Variants in MRPL3 observed in about 807,000 individuals in gnomAD.
MRPL3 encodes the protein large ribosomal subunit protein uL3m.
A neutral mutation model predicts 44.3 loss-of-function variants in MRPL3; 43 were observed. The observed-to-expected ratio is 0.97, with a 90% CI of 0.76 to 1.25. The LOEUF (loss-of-function observed/expected upper bound fraction) is 1.25. Ranked by LOEUF, MRPL3 falls within the 50% of genes most tolerant of loss-of-function variation. The pLI is 0.00. For missense variants in MRPL3, 406 were observed against 427.6 expected (o/e 0.95, Z 0.45); for synonymous variants, 171 against 152.3 (o/e 1.12, Z -0.91).
rs1452753647 is a variant in MRPL3, at chr3:131,471,171, A to T, written c.738T>A (p.Gly246=). Residue 246 remains glycine, a splice_region_variant and synonymous_variant, in exon 7 of 10, where the codon GGT becomes GGA. Transcript: ENST00000264995. ...AAAGAGCTTCACTAGTTATACTCAC[A>T]CCAGTTGCAACAGCTCCAGGTCTCC... ...THRRPGAVAT[G]DIGRVWPGTK... 4 of 1,605,294 alleles carry T rather than the reference A, an allele frequency of 2.5e-6. No individual in the cohort carries two copies. The highest frequency in any genetic ancestry group is 8.5e-7 in the Non-Finnish European group (1 of 1,172,620).
chr3:131,471,209 T>C lies in MRPL3; in HGVS notation c.700A>G (p.Thr234Ala). The change falls in exon 7 of 10, where the codon ACG (threonine) becomes GCG (alanine). Residue 234 changes from threonine to alanine, a missense_variant. Transcript: ENST00000264995. ...FKGQPATHGQ[T>A]KTHRRPGAVA... ...GCTCCAGGTCTCCTGTGGGTTTTCG[T>C]TTGACCATGCGTAGCAGGCTGGCCT... 1 of 1,613,402 alleles carries C rather than the reference T, an allele frequency of 6.2e-7. No homozygotes were observed. The highest frequency in any genetic ancestry group is 8.5e-7 in the Non-Finnish European group (1 of 1,179,532).
At chr3:131,494,586 C>T (rs142113436) in intron 4 of MRPL3, among the ~76,000 whole-genome samples, 1 of 152,084 alleles carries the variant, frequency 6.6e-6, no homozygotes, top group Admixed American at 6.6e-5. Flanking sequence ...ACAAAACAGA[C>T]AATATATATA....
chr3:131,472,835 A>C (rs1224079747), intron 6 of MRPL3, among the ~76,000 whole-genome samples: 1 of 152,224 alleles, frequency 6.6e-6, no homozygotes, highest in Non-Finnish European at 1.5e-5. Context: ...ACGAAAAAAT[A>C]AATACCCAGG....
chr3:131,489,493 C>G (rs1934200111), intron 5 of MRPL3, among the ~76,000 whole-genome samples: 1 of 152,050 alleles, frequency 6.6e-6, no homozygotes, highest in African/African-American at 2.4e-5. Flanking sequence ...TTTTGCTAAC[C>G]ATATGAGCCA....
At position 131,480,334 on chromosome 3, in the gene MRPL3, C is replaced by T. The variant is rs140979047; in HGVS notation, c.629+7346G>A. Among the ~76,000 whole-genome samples the T allele has an allele frequency of 5.9e-5, 9 of 152,286 alleles. No individual in the cohort carries two copies. In the East Asian group the frequency reaches 1.7e-3, roughly 29 times the overall value. On this transcript the variant is annotated intron_variant, in intron 6 of 9. Transcript: ENST00000264995. ...ACAGGTGCTGAGCCCACAAGTCAGT[C>T]ATGGTGGAATTTTCCAGTTGCTTGG... is the stretch of plus-strand genomic sequence containing the variant.
In MRPL3 at chr3:131,462,694, T is replaced by C. The variant is rs766168773; in HGVS notation, c.*29A>G. ...CTCTGGCTCATCGAAGCTCACAGAATATGTAAGGTTCTGCCACGTCCAAAG... is the reference window on the plus strand; with the variant it reads ...CTCTGGCTCATCGAAGCTCACAGAACATGTAAGGTTCTGCCACGTCCAAAG... On this transcript the variant is annotated 3_prime_UTR_variant, in exon 10 of 10. Coordinates refer to ENST00000264995, the MANE Select transcript of MRPL3 (RefSeq NM_007208.4). 1 of 1,582,900 alleles carries C rather than the reference T, an allele frequency of 6.3e-7. No individual in the cohort carries two copies. Among genetic ancestry groups the C allele is most frequent in the Non-Finnish European group, 8.6e-7 (1 of 1,160,844 alleles).
Position 131,462,863 on chromosome 3 carries a change from T to C in MRPL3, c.907A>G (p.Lys303Glu), listed in dbSNP as rs1308327648. Residue 303 changes from lysine to glutamate, a missense_variant, in exon 10 of 10, where the codon AAA (lysine) becomes GAA (glutamate). Physicochemically the swap from Lys to Glu is moderately conservative, Grantham distance 56 (BLOSUM62 1). Coordinates refer to ENST00000264995, the MANE Select transcript of MRPL3 (RefSeq NM_007208.4). ...KNCLVKVKDSKLPAYKDLGKN... is the reference protein window; with the variant it reads ...KNCLVKVKDSELPAYKDLGKN... ...CCGAGATCCTTATATGCAGGCAGTT[T>C]AGAATCTTTGACCTGAGAGAAGGCA... 6.2e-7 allele frequency: 1 copy of C among 1,609,680 alleles called. No homozygotes were observed. Among genetic ancestry groups the C allele is most frequent in the East Asian group, 2.2e-5 (1 of 44,792 alleles).
chr3:131,478,422 A>T (rs1933902666), intron 6 of MRPL3, among the ~76,000 whole-genome samples: 2 of 151,200 alleles, frequency 1.3e-5, no homozygotes, highest in South Asian at 4.2e-4. Context: ...ACTCTGCTTT[A>T]AAAAAAAACA....
chr3:131,501,305 C>T (rs2107606015), intron 2 of MRPL3, among the ~76,000 whole-genome samples: 1 of 152,260 alleles, frequency 6.6e-6, no homozygotes, highest in East Asian at 1.9e-4. Flanking sequence ...TCTCCCTTCA[C>T]CTATAAAACA....
chr3:131,486,883 A>C (rs1019503905), intron 6 of MRPL3, among the ~76,000 whole-genome samples: 23 of 152,300 alleles, frequency 1.5e-4, no homozygotes, highest in African/African-American at 5.5e-4. Flanking sequence ...ACCATTATGG[A>C]AGACAGTGTG....
chr3:131,495,417 TAGAAATTTTATATCTTGA>T (rs990822890), intron 4 of MRPL3, among the ~76,000 whole-genome samples: 16 of 152,282 alleles, frequency 1.1e-4, no homozygotes, highest in South Asian at 4.1e-4. Flanking sequence ...CATCTGGACT[TAGAAATTTTATATCTTGA>T]AGAAATTTTA....
At chr3:131,492,249 T>C (rs2110711662) in intron 4 of MRPL3, among the ~76,000 whole-genome samples, 1 of 152,312 alleles carries the variant, frequency 6.6e-6, no homozygotes, top group Admixed American at 6.5e-5. Flanking sequence ...ACCAGTTTTT[T>C]AGGCATACCA....
chr3:131,468,145 G>C lies in MRPL3; in HGVS notation c.840C>G (p.His280Gln). ...CAGAGCCATTTACATAGATTATGTT[G>C]TGCTTTGTGTTTATTCTCCACACCT... ...GLKVWRINTK[H>Q]NIIYVNGSVP... is the part of the protein sequence containing the mutation. The change falls in exon 9 of 10, where the codon CAC becomes CAG. Residue 280 changes from histidine to glutamine, a missense_variant. Physicochemically the swap from His to Gln is conservative, Grantham distance 24 (BLOSUM62 0). Transcript: ENST00000264995. 3 of 1,592,132 alleles carry C rather than the reference G, an allele frequency of 1.9e-6. No homozygotes were observed. The Admixed American group carries it at 5.4e-5, about 28-fold the overall frequency.
intron 5 of MRPL3, among the ~76,000 whole-genome samples, chr3:131,488,250 G>T (rs1287381307): frequency 2.0e-5 from 3 of 151,994 alleles, no homozygotes; most frequent in South Asian, 2.1e-4. Context: ...ACTCTTCATT[G>T]TACCAATAAA....
In MRPL3 at chr3:131,462,432, C is replaced by T. The variant is rs937101005; in HGVS notation, c.*291G>A. ...TAAATTTACAGACATCTTAAGATAACTTGGGAAATATGTAGTAAAAAAGAA... is the reference window on the plus strand; with the variant it reads ...TAAATTTACAGACATCTTAAGATAATTTGGGAAATATGTAGTAAAAAAGAA... On this transcript the variant is annotated 3_prime_UTR_variant, in exon 10 of 10. Transcript: ENST00000264995. The T allele has an allele frequency of 2.9e-5, 7 of 238,336 alleles. No individual in the cohort carries two copies. Among genetic ancestry groups the T allele is most frequent in the Non-Finnish European group, 4.8e-5 (6 of 124,952 alleles). 14.8% of individuals were successfully genotyped at this position (238,336 alleles called of 1,614,324 possible).
Position 131,481,089 on chromosome 3 carries a change from C to T in MRPL3, c.629+6591G>A, listed in dbSNP as rs148502883. On this transcript the variant is annotated intron_variant, in intron 6 of 9. Transcript: ENST00000264995. ...AAAATATTAAAATATTCCAGCAAATCGGAGAGGTATGAAGCCATTTCAAGG... is the reference window on the plus strand; with the variant it reads ...AAAATATTAAAATATTCCAGCAAATTGGAGAGGTATGAAGCCATTTCAAGG... 3.0e-3 allele frequency among the ~76,000 whole-genome samples: 462 copies of T among 152,242 alleles called. 6 individuals carry two copies. Among genetic ancestry groups the T allele is most frequent in the Admixed American group, 0.018 (281 of 15,296 alleles).
chr3:131,474,906 G>C (rs1045856638), intron 6 of MRPL3, among the ~76,000 whole-genome samples: 1 of 151,600 alleles, frequency 6.6e-6, no homozygotes, highest in Non-Finnish European at 1.5e-5. Context: ...TGAGTAGCTA[G>C]GACTACAGAC....
chr3:131,475,968 C>T (rs1933844333), intron 6 of MRPL3, among the ~76,000 whole-genome samples: 1 of 152,148 alleles, frequency 6.6e-6, no homozygotes, highest in Admixed American at 6.5e-5. Context: ...GTTACACTGG[C>T]CATTCTTGGT....
At chr3:131,470,536 T>C (rs1933715599) in intron 7 of MRPL3, among the ~76,000 whole-genome samples, 2 of 152,110 alleles carry the variant, frequency 1.3e-5, no homozygotes, top group East Asian at 1.9e-4. Context: ...TTCTGAGTAT[T>C]ACAGACTAAG....
Sources: gnomAD v4.1 joint callset for allele counts (sites outside exome capture counted in the v4.1 genomes callset) on GRCh38, gnomAD v4.1.1 for gene constraint, MANE v1.5 for transcripts, NCBI Gene and HGNC (gene_info 2026-07-23, HGNC 2026-07-21) for gene names.